The following JUN variants were observed in gnomAD, a reference collection of about 807,000 sequenced individuals.
JUN encodes the protein transcription factor Jun.
Under a neutral mutation model 19.7 loss-of-function variants are expected in JUN, and 7 were observed. That is an observed-to-expected ratio of 0.36 (90% confidence interval 0.20 to 0.67). The LOEUF is 0.67. Among genes scored for constraint, JUN ranks in the 30% least tolerant of loss-of-function variants. The pLI, the probability that JUN is intolerant of heterozygous loss-of-function variation, is 0.64. For missense variants in JUN, 373 were observed against 451.0 expected, an observed-to-expected ratio of 0.83 and a Z score of 1.57; for synonymous variants, 246 against 206.9, an observed-to-expected ratio of 1.19 and a Z score of -1.62.
Position 58,781,167 on chromosome 1 carries a change from C to G in JUN, c.*908G>C, listed in dbSNP as rs72911506. On this transcript the variant is annotated 3_prime_UTR_variant, in exon 1 of 1. Coordinates refer to ENST00000371222, the MANE Select transcript of JUN (RefSeq NM_002228.4). ...AACCTGACCATAGCATCAGGTACATCAGGTACATTTATTTCTAAAGTCTAA... is the reference window on the plus strand; with the variant it reads ...AACCTGACCATAGCATCAGGTACATGAGGTACATTTATTTCTAAAGTCTAA... 4.7e-3 allele frequency: 1,096 copies of G among 233,152 alleles called. 11 individuals are homozygous for G. The highest frequency in any genetic ancestry group is 0.022 in the African/African-American group (1,018 of 45,302). The allele number at this position is 233,152 out of a possible 1,614,324, so 14.4% of individuals were successfully genotyped here.
In JUN at chr1:58,783,594, T is replaced by C. The variant is rs966044319; in HGVS notation, c.-524A>G. The C allele has an allele frequency of 6.0e-5, 15 of 248,858 alleles. No individual in the cohort carries two copies. The highest frequency in any genetic ancestry group is 1.0e-4 in the Non-Finnish European group (12 of 118,586). The allele number at this position is 248,858 out of a possible 1,614,324, so 15.4% of individuals were successfully genotyped here. ...GAGCGAAGCTGAGCGCACGTCCTTCTTCTCTTGCGTGGCTCTCCGCCGCCT... is the reference window on the plus strand; with the variant it reads ...GAGCGAAGCTGAGCGCACGTCCTTCCTCTCTTGCGTGGCTCTCCGCCGCCT... On this transcript the variant is annotated 5_prime_UTR_variant, in exon 1 of 1. Transcript: ENST00000371222.
chr1:58,783,148 G>T lies in JUN; in HGVS notation c.-78C>A. 1 of 1,532,914 alleles carries T rather than the reference G, an allele frequency of 6.5e-7. No homozygotes were observed. Among genetic ancestry groups the T allele is most frequent in the Non-Finnish European group, 8.8e-7 (1 of 1,138,296 alleles). The allele number at this position is 1,532,914 out of a possible 1,614,324, so 95.0% of individuals were successfully genotyped here. A position where few individuals can be genotyped will look rare whatever the true frequency, so the allele number is the denominator to read the frequency against. On this transcript the variant is annotated 5_prime_UTR_variant, in exon 1 of 1. Coordinates refer to ENST00000371222, the MANE Select transcript of JUN (RefSeq NM_002228.4). ...CGGGGCCGCAACAGGGCTGTGGCAAGCGGGGGACACCCGCGCCCCCCGGAG... is the reference window on the plus strand; with the variant it reads ...CGGGGCCGCAACAGGGCTGTGGCAATCGGGGGACACCCGCGCCCCCCGGAG...
rs2100739739 is a variant in JUN at position 58,782,774 on chromosome 1, G to A, written c.297C>T (p.Cys99=). 6.2e-7 allele frequency: 1 copy of A among 1,613,504 alleles called. No individual in the cohort carries two copies. The highest frequency in any genetic ancestry group is 8.5e-7 in the Non-Finnish European group (1 of 1,179,960). The part of the protein sequence containing the change: ...TTTPTPTQFL[C]PKNVTDEQEG... ...CCTGCTCATCTGTCACGTTCTTGGG[G>A]CACAGGAACTGGGTGGGGGTCGGCG... is the stretch of plus-strand genomic sequence containing the variant. The change falls in exon 1 of 1, where the codon TGC becomes TGT. Residue 99 remains cysteine, a synonymous_variant. Transcript: ENST00000371222. This position sits in a 1 kb window ranked among gnomAD's most constrained non-coding sequence, Gnocchi z 8.7.
rs1289054249 is a variant in JUN at position 58,783,077 on chromosome 1, G to T, written c.-7C>A. 1 of 1,605,654 alleles carries T rather than the reference G, an allele frequency of 6.2e-7. No homozygotes were observed. The highest frequency in any genetic ancestry group is 8.5e-7 in the Non-Finnish European group (1 of 1,173,522). Reference sequence around the variant, plus strand: ...TTTCCATCTTTGCAGTCATAGAACAGTCCGTCACTTCACGTGAGGTTAGTT... The same window carrying T: ...TTTCCATCTTTGCAGTCATAGAACATTCCGTCACTTCACGTGAGGTTAGTT... On this transcript the variant is annotated 5_prime_UTR_variant, in exon 1 of 1. In the 5' UTR this introduces an upstream ATG that the reference lacks. Coordinates refer to ENST00000371222, the MANE Select transcript of JUN (RefSeq NM_002228.4).
At position 58,782,512 on chromosome 1, in the gene JUN, C is replaced by A. The variant is rs1235718133; in HGVS notation, c.559G>T (p.Ala187Ser). 3 of 1,571,102 alleles carry A rather than the reference C, an allele frequency of 1.9e-6. No homozygotes were observed. Among genetic ancestry groups the A allele is most frequent in the African/African-American group, 1.3e-5 (1 of 74,236 alleles). Residue 187 changes from alanine (A) to serine (S), a missense_variant, in exon 1 of 1, where the codon GCG (alanine) becomes TCG (serine). Around this residue, in one of 4 missense-constraint regions of JUN, gnomAD observed 173 missense variants for 154.5 expected, o/e 1.12. Coordinates refer to ENST00000371222, the MANE Select transcript of JUN (RefSeq NM_002228.4). The surrounding 1 kb of genome is among the most constrained non-coding windows in gnomAD (Gnocchi z 8.7). ...AGGCCGGCCGCGCCGTAGGAGGGCG[C>A]CCCGCCGCCGCTGCTCAGCGCGCCT... is the stretch of plus-strand genomic sequence containing the variant. ...NPGALSSGGG[A>S]PSYGAAGLAF... is the part of the protein sequence containing the mutation.
rs1645577459 is a variant in JUN at position 58,781,923 on chromosome 1, C to G, written c.*152G>C. 1.5e-6 allele frequency: 1 copy of G among 686,152 alleles called. No individual in the cohort carries two copies. Among genetic ancestry groups the G allele is most frequent in the African/African-American group, 1.8e-5 (1 of 55,502 alleles). 42.5% of individuals were successfully genotyped at this position (686,152 alleles called of 1,614,324 possible). ...TCCCACTCGTGCACACTGGGGGCGC[C>G]GTCAGGACGCAACCCAGTCCAACTT... On this transcript the variant is annotated 3_prime_UTR_variant, in exon 1 of 1. Coordinates refer to ENST00000371222, the MANE Select transcript of JUN (RefSeq NM_002228.4).
chr1:58,783,874 G>A lies in JUN; in HGVS notation c.-804C>T, dbSNP rs530071632. The A allele has an allele frequency of 8.1e-6, 2 of 248,098 alleles. No homozygotes were observed. The highest frequency in any genetic ancestry group is 4.4e-5 in the African/African-American group (2 of 45,362). The allele number at this position is 248,098 out of a possible 1,614,324, so 15.4% of individuals were successfully genotyped here. On this transcript the variant is annotated 5_prime_UTR_variant, in exon 1 of 1. Coordinates refer to ENST00000371222, the MANE Select transcript of JUN (RefSeq NM_002228.4). ...CTGGACACTCCCGAAACACCAGCCCGGGAGCCACAGGCGCTAGCTCTGGGC... is the reference window on the plus strand; with the variant it reads ...CTGGACACTCCCGAAACACCAGCCCAGGAGCCACAGGCGCTAGCTCTGGGC...
rs1645594236 is a variant in JUN at position 58,783,463 on chromosome 1, G to C, written c.-393C>G. Reference sequence around the variant, plus strand: ...ACCCTGCAGTGGCCGGCCGGCGGCGGGTCTTGGCCGCCCGGACTCCGACGA... The same window carrying C: ...ACCCTGCAGTGGCCGGCCGGCGGCGCGTCTTGGCCGCCCGGACTCCGACGA... On this transcript the variant is annotated 5_prime_UTR_variant, in exon 1 of 1. Coordinates refer to ENST00000371222, the MANE Select transcript of JUN (RefSeq NM_002228.4). 1 of 252,914 alleles carries C rather than the reference G, an allele frequency of 4.0e-6. No individual in the cohort carries two copies. Among genetic ancestry groups the C allele is most frequent in the African/African-American group, 2.2e-5 (1 of 45,528 alleles). 15.7% of individuals were successfully genotyped at this position (252,914 alleles called of 1,614,324 possible). A position where few individuals can be genotyped will look rare whatever the true frequency, so the allele number is the denominator to read the frequency against.
Position 58,783,955 on chromosome 1 carries a change from C to G in JUN, c.-885G>C, listed in dbSNP as rs956956935. ...TTTGCAGTTCGGACTATACTGCCGA[C>G]CTGGCTGGCTGGCTGTGTCTGTCTG... On this transcript the variant is annotated 5_prime_UTR_variant, in exon 1 of 1. Coordinates refer to ENST00000371222, the MANE Select transcript of JUN (RefSeq NM_002228.4). 1 of 248,928 alleles carries G rather than the reference C, an allele frequency of 4.0e-6. No homozygotes were observed. The highest frequency in any genetic ancestry group is 5.6e-5 in the Admixed American group (1 of 17,802). The allele number at this position is 248,928 out of a possible 1,614,324, so 15.4% of individuals were successfully genotyped here.
rs766489582 is a variant in JUN at position 58,782,479 on chromosome 1, G to A, written c.592C>T (p.Pro198Ser). 1.9e-6 allele frequency: 3 copies of A among 1,584,330 alleles called. No individual in the cohort carries two copies. The Admixed American group carries it at 5.3e-5, about 28-fold the overall frequency. ...PSYGAAGLAFPAQPQQQQQPP... is the reference protein window; with the variant it reads ...PSYGAAGLAFSAQPQQQQQPP... ...TGCTGCTGCTGCTGGGGTTGCGCGG[G>A]AAAGGCCAGGCCGGCCGCGCCGTAG... The change falls in exon 1 of 1, where the codon CCC becomes TCC. Residue 198 changes from proline (P) to serine (S), a missense_variant. Around this residue, in one of 4 missense-constraint regions of JUN, gnomAD observed 173 missense variants for 154.5 expected, o/e 1.12. Coordinates refer to ENST00000371222, the MANE Select transcript of JUN (RefSeq NM_002228.4). This position sits in a 1 kb window ranked among gnomAD's most constrained non-coding sequence, Gnocchi z 8.7.
chr1:58,780,996 C>G lies in JUN; in HGVS notation c.*1079G>C, dbSNP rs1645570512. Reference sequence around the variant, plus strand: ...CATTATAAATGGTCACAGCACATGCCACTTGATACAATCCAAACTTTGAAA... The same window carrying G: ...CATTATAAATGGTCACAGCACATGCGACTTGATACAATCCAAACTTTGAAA... On this transcript the variant is annotated 3_prime_UTR_variant, in exon 1 of 1. Transcript: ENST00000371222. 1 of 232,964 alleles carries G rather than the reference C, an allele frequency of 4.3e-6. No individual in the cohort carries two copies. The highest frequency in any genetic ancestry group is 2.2e-5 in the African/African-American group (1 of 45,310). 14.4% of individuals were successfully genotyped at this position (232,964 alleles called of 1,614,324 possible). A position where few individuals can be genotyped will look rare whatever the true frequency, so the allele number is the denominator to read the frequency against.
rs770768081 is a variant in JUN at position 58,782,947 on chromosome 1, G to A, written c.124C>T (p.Leu42=). 2 of 1,614,246 alleles carry A rather than the reference G, an allele frequency of 1.2e-6. No homozygotes were observed. The highest frequency in any genetic ancestry group is 1.7e-5 in the Admixed American group (1 of 60,034). The change falls in exon 1 of 1, where the codon CTG becomes TTG. Residue 42 remains leucine, a synonymous_variant. Coordinates refer to ENST00000371222, the MANE Select transcript of JUN (RefSeq NM_002228.4). This position sits in a 1 kb window ranked among gnomAD's most constrained non-coding sequence, Gnocchi z 8.7. ...KILKQSMTLN[L]ADPVGSLKPH... is the part of the protein sequence containing the mutation. ...TTCAGGCTCCCCACTGGGTCGGCCA[G>A]GTTCAGGGTCATGCTCTGTTTCAGG...
In JUN at chr1:58,781,820, A is replaced by G. The variant is rs56090866; in HGVS notation, c.*255T>C. ...AGTCCAACGTTCCGTTCGCGCGGGG[A>G]CAGCCCGTCCGCAAAGCGGGGCAGC... is the stretch of plus-strand genomic sequence containing the variant. On this transcript the variant is annotated 3_prime_UTR_variant, in exon 1 of 1. Coordinates refer to ENST00000371222, the MANE Select transcript of JUN (RefSeq NM_002228.4). 142 of 513,256 alleles carry G rather than the reference A, an allele frequency of 2.8e-4. 1 individual carries two copies. In the East Asian group the frequency reaches 4.4e-3, roughly 16 times the overall value. 31.8% of individuals were successfully genotyped at this position (513,256 alleles called of 1,614,324 possible).
rs575349868 is a variant in JUN, at chr1:58,782,418, T to C, written c.653A>G (p.Gln218Arg). Residue 218 changes from glutamine (Q) to arginine (R), a missense_variant, in exon 1 of 1, where the codon CAG becomes CGG. By Grantham distance (43) the Gln-to-Arg change is conservative. This residue lies in a region of JUN where 173 missense variants were observed against 154.5 expected (regional missense o/e 1.12). Coordinates refer to ENST00000371222, the MANE Select transcript of JUN (RefSeq NM_002228.4). This position sits in a 1 kb window ranked among gnomAD's most constrained non-coding sequence, Gnocchi z 8.7. ...CTTCAGGGCCTGCAGCCGCGGGTGC[T>C]GCACGGGCATCTGCTGGGGCAGGTG... ...PHHLPQQMPVQHPRLQALKEE... is the reference protein window; with the variant it reads ...PHHLPQQMPVRHPRLQALKEE... 74 of 1,608,848 alleles carry C rather than the reference T, an allele frequency of 4.6e-5. No homozygotes were observed. The South Asian group carries it at 7.4e-4, about 16-fold the overall frequency.
Position 58,782,682 on chromosome 1 carries a change from A to C in JUN, c.389T>G (p.Val130Gly), listed in dbSNP as rs573002199. ...ELHSQNTLPS[V>G]TSAAQPVNGA... ...GTTGACCGGCTGCGCCGCCGACGTGACGCTGGGCAGCGTGTTCTGGCTGTG... is the reference window on the plus strand; with the variant it reads ...GTTGACCGGCTGCGCCGCCGACGTGCCGCTGGGCAGCGTGTTCTGGCTGTG... Residue 130 changes from valine (V) to glycine (G), a missense_variant, in exon 1 of 1, where the codon GTC becomes GGC. By Grantham distance (109) the Val-to-Gly change is moderately radical. Transcript: ENST00000371222. The surrounding 1 kb of genome is among the most constrained non-coding windows in gnomAD (Gnocchi z 8.7). 6.3e-7 allele frequency: 1 copy of C among 1,591,106 alleles called. No individual in the cohort carries two copies. The highest frequency in any genetic ancestry group is 1.3e-5 in the African/African-American group (1 of 74,634).
rs1557559112 is a variant in JUN at position 58,781,212 on chromosome 1, C to T, written c.*863G>A. 4.3e-6 allele frequency: 1 copy of T among 233,054 alleles called. No individual in the cohort carries two copies. Among genetic ancestry groups the T allele is most frequent in the Non-Finnish European group, 8.5e-6 (1 of 117,776 alleles). The allele number at this position is 233,054 out of a possible 1,614,324, so 14.4% of individuals were successfully genotyped here. A position where few individuals can be genotyped will look rare whatever the true frequency, so the allele number is the denominator to read the frequency against. ...GTCTAATAGAGAACAGTTTTTACTG[C>T]TTAATAGTAAGAAGCACTGAGAGTG... On this transcript the variant is annotated 3_prime_UTR_variant, in exon 1 of 1. Coordinates refer to ENST00000371222, the MANE Select transcript of JUN (RefSeq NM_002228.4).
Position 58,783,261 on chromosome 1 carries a change from G to T in JUN, c.-191C>A. 1 of 799,818 alleles carries T rather than the reference G, an allele frequency of 1.3e-6. No homozygotes were observed. Among genetic ancestry groups the T allele is most frequent in the Non-Finnish European group, 1.9e-6 (1 of 514,084 alleles). The allele number at this position is 799,818 out of a possible 1,614,324, so 49.5% of individuals were successfully genotyped here. ...CCTCCTCACCAGCTCGCTCCAGGGA[G>T]CGCAGGGTTAATTAAGATGCCTCCC... On this transcript the variant is annotated 5_prime_UTR_variant, in exon 1 of 1. Transcript: ENST00000371222.
chr1:58,782,653 C>A lies in JUN; in HGVS notation c.418G>T (p.Ala140Ser), dbSNP rs536167705. The A allele has an allele frequency of 6.3e-7, 1 of 1,590,668 alleles. No individual in the cohort carries two copies. Among genetic ancestry groups the A allele is most frequent in the Non-Finnish European group, 8.5e-7 (1 of 1,173,528 alleles). Residue 140 changes from alanine (A) to serine (S), a missense_variant, in exon 1 of 1, where the codon GCA (alanine) becomes TCA (serine). By Grantham distance (99) the Ala-to-Ser change is moderately conservative. Around this residue, in one of 4 missense-constraint regions of JUN, gnomAD observed 173 missense variants for 154.5 expected, o/e 1.12. Coordinates refer to ENST00000371222, the MANE Select transcript of JUN (RefSeq NM_002228.4). The surrounding 1 kb of genome is among the most constrained non-coding windows in gnomAD (Gnocchi z 8.7). ...VTSAAQPVNG[A>S]GMVAPAVASV... ...GCTACCGCGGGAGCCACCATGCCTG[C>A]CCCGTTGACCGGCTGCGCCGCCGAC...
In JUN at chr1:58,782,457, T is replaced by C; in HGVS notation, c.614A>G (p.Gln205Arg). The change falls in exon 1 of 1, where the codon CAG (glutamine) becomes CGG (arginine). Residue 205 changes from glutamine (Q) to arginine (R), a missense_variant. Around this residue, in one of 4 missense-constraint regions of JUN, gnomAD observed 173 missense variants for 154.5 expected, o/e 1.12. Coordinates refer to ENST00000371222, the MANE Select transcript of JUN (RefSeq NM_002228.4). The surrounding 1 kb of genome is among the most constrained non-coding windows in gnomAD (Gnocchi z 8.7). Reference protein sequence around the residue: ...LAFPAQPQQQQQPPHHLPQQM... With the variant: ...LAFPAQPQQQRQPPHHLPQQM... The stretch of plus-strand genomic sequence containing the variant: ...CTGGGGCAGGTGGTGCGGCGGCTGC[T>C]GCTGCTGCTGGGGTTGCGCGGGAAA... 6.3e-7 allele frequency: 1 copy of C among 1,594,296 alleles called. No homozygotes were observed. Among genetic ancestry groups the C allele is most frequent in the South Asian group, 1.1e-5 (1 of 89,140 alleles).
Sources: gnomAD v4.1 joint callset for allele counts on GRCh38, gnomAD v4.1.1 for gene constraint, gnomAD v4.1.1 regional missense constraint, Gnocchi (gnomAD v3.1) non-coding constraint, MANE v1.5 for transcripts, NCBI Gene and HGNC (gene_info 2026-07-23, HGNC 2026-07-21) for gene names.